Variants in RGL1 observed in about 807,000 individuals in gnomAD.
RGL1 encodes ral guanine nucleotide dissociation stimulator-like 1.
RGL1 carries 24 observed loss-of-function variants against 95.2 expected under a neutral mutation model. The observed-to-expected ratio is 0.25, with a 90% CI of 0.18 to 0.35. The LOEUF is 0.35. Among genes scored for constraint, RGL1 ranks in the 10% least tolerant of loss-of-function variants. RGL1 has a pLI of 1.00. For missense variants in RGL1, 715 were observed against 936.3 expected (o/e 0.76, Z 3.08); for synonymous variants, 329 against 344.9 (o/e 0.95, Z 0.51).
At chr1:183,747,482 T>A (rs1255683259) in intron 2 of RGL1, among the ~76,000 whole-genome samples, 1 of 152,098 alleles carries the variant, frequency 6.6e-6, no homozygotes, top group African/African-American at 2.4e-5. Flanking sequence ...TTTGATGGGG[T>A]TGTTTGTTTT....
intron 16 of RGL1, among the ~76,000 whole-genome samples, chr1:183,919,727 T>A: frequency 6.6e-6 from 1 of 152,178 alleles, no homozygotes; most frequent in East Asian, 1.9e-4. Context: ...CTCCATTGTG[T>A]CAATCACAGA....
intron 1 of RGL1, among the ~76,000 whole-genome samples, chr1:183,650,575 C>A (rs2101997733): frequency 6.6e-6 from 1 of 152,156 alleles, no homozygotes; most frequent in South Asian, 2.1e-4. Context: ...ATATTCATGG[C>A]TAATTAGTTT....
intron 14 of RGL1, among the ~76,000 whole-genome samples, chr1:183,911,873 G>A (rs760328431): frequency 6.6e-6 from 1 of 152,198 alleles, no homozygotes; most frequent in Non-Finnish European, 1.5e-5. Context: ...AATAATCTAT[G>A]TGTTCTTTGA....
At chr1:183,899,026 G>T (rs1365960463) in intron 10 of RGL1, among the ~76,000 whole-genome samples, 1 of 152,186 alleles carries the variant, frequency 6.6e-6, no homozygotes, top group East Asian at 1.9e-4. Context: ...GAAGAGAGAT[G>T]ATTTTAAAGG....
At chr1:183,740,022 A>G (rs1025417739) in intron 1 of RGL1, among the ~76,000 whole-genome samples, 1 of 152,242 alleles carries the variant, frequency 6.6e-6, no homozygotes, top group Non-Finnish European at 1.5e-5. Context: ...CGAAGGAGAC[A>G]GCCAAAACCA....
At chr1:183,792,274 C>A (rs564808732) in intron 2 of RGL1, among the ~76,000 whole-genome samples, 25 of 151,974 alleles carry the variant, frequency 1.6e-4, no homozygotes, top group Admixed American at 1.5e-3. Flanking sequence ...GGATTCATTT[C>A]TTTATTTCAA....
intron 2 of RGL1, among the ~76,000 whole-genome samples, chr1:183,797,863 G>C (rs1268495339): frequency 6.6e-6 from 1 of 152,222 alleles, no homozygotes; most frequent in Non-Finnish European, 1.5e-5. Context: ...AGAATAGGGA[G>C]AAGCATTTCA....
At chr1:183,806,876 G>A (rs906234135) in intron 2 of RGL1, among the ~76,000 whole-genome samples, 6 of 152,074 alleles carry the variant, frequency 3.9e-5, no homozygotes, top group Non-Finnish European at 7.4e-5. Context: ...TGCTGTCAGC[G>A]TCTGCCTTGC....
chr1:183,654,764 C>T (rs1651023160), intron 1 of RGL1, among the ~76,000 whole-genome samples: 1 of 152,208 alleles, frequency 6.6e-6, no homozygotes, highest in South Asian at 2.1e-4. Flanking sequence ...AGCCTTTGTC[C>T]ACTAGCACAT....
At chr1:183,664,522 A>G (rs1212944380) in intron 1 of RGL1, among the ~76,000 whole-genome samples, 1 of 151,926 alleles carries the variant, frequency 6.6e-6, no homozygotes, top group African/African-American at 2.4e-5. Context: ...AGTAACTGGC[A>G]GAGCTGAGAT....
intron 1 of RGL1, among the ~76,000 whole-genome samples, chr1:183,735,701 T>A (rs530141189): frequency 5.3e-5 from 8 of 152,220 alleles, no homozygotes; most frequent in Non-Finnish European, 1.2e-4. Context: ...ACATTTAGTA[T>A]TACTACGAAA....
At chr1:183,892,936 A>G (rs891038316) in intron 9 of RGL1, among the ~76,000 whole-genome samples, 3 of 152,378 alleles carry the variant, frequency 2.0e-5, no homozygotes, top group African/African-American at 7.2e-5. Flanking sequence ...GCCAAGACTC[A>G]GAGAGGGTAA....
At chr1:183,749,369 T>C (rs1372418571) in intron 2 of RGL1, among the ~76,000 whole-genome samples, 2 of 152,220 alleles carry the variant, frequency 1.3e-5, no homozygotes, top group Non-Finnish European at 2.9e-5. Context: ...TTTACCATTA[T>C]GTAATGCCCT....
At chr1:183,850,941 G>A (rs1219089246) in intron 3 of RGL1, among the ~76,000 whole-genome samples, 8 of 152,286 alleles carry the variant, frequency 5.3e-5, no homozygotes, top group Admixed American at 1.3e-4. Context: ...AGGAGTGCAC[G>A]TAAATTCCAG....
At chr1:183,663,823 A>T (rs1651834012) in intron 1 of RGL1, among the ~76,000 whole-genome samples, 1 of 151,160 alleles carries the variant, frequency 6.6e-6, no homozygotes, top group East Asian at 1.9e-4. Context: ...CAAATGTCCA[A>T]CAACGATAGA....
At chr1:183,714,539 A>G (rs1655497856) in intron 1 of RGL1, among the ~76,000 whole-genome samples, 1 of 152,184 alleles carries the variant, frequency 6.6e-6, no homozygotes, top group Non-Finnish European at 1.5e-5. Context: ...AGAATCAATG[A>G]TAATCTCTGC....
At chr1:183,918,806 G>A (rs1356938490) in intron 16 of RGL1, among the ~76,000 whole-genome samples, 2 of 152,160 alleles carry the variant, frequency 1.3e-5, no homozygotes, top group East Asian at 1.9e-4. Context: ...TCCTGCCAGC[G>A]CATGTCACAG....
At chr1:183,862,032 T>G (rs112717161) in intron 3 of RGL1, among the ~76,000 whole-genome samples, 1 of 152,164 alleles carries the variant, frequency 6.6e-6, no homozygotes, top group Non-Finnish European at 1.5e-5. Flanking sequence ...GCAGTAATTC[T>G]CCTTAATGAT....
intron 3 of RGL1, among the ~76,000 whole-genome samples, chr1:183,854,613 T>C (rs1665024160): frequency 6.6e-6 from 1 of 152,178 alleles, no homozygotes; most frequent in Non-Finnish European, 1.5e-5. Flanking sequence ...AAACAGACTT[T>C]TCAGAATTTT....
Sources: gnomAD v4.1 joint callset for allele counts (sites outside exome capture counted in the v4.1 genomes callset) on GRCh38, gnomAD v4.1.1 for gene constraint, MANE v1.5 for transcripts, NCBI Gene and HGNC (gene_info 2026-07-23, HGNC 2026-07-21) for gene names.